CDH18: variants seen among roughly 807,000 people sequenced by gnomAD.
CDH18 encodes cadherin-18.
Under a neutral mutation model 67.9 loss-of-function variants are expected in CDH18, and 31 were observed. The observed-to-expected ratio is 0.46, with a 90% CI of 0.34 to 0.62. The LOEUF is 0.62. Among genes scored for constraint, CDH18 ranks in the 20% least tolerant of loss-of-function variants. CDH18 has a pLI of 0.01. For synonymous variants in CDH18, 362 were observed against 347.2 expected (o/e 1.04, Z -0.48); for missense variants, 890 against 975.5 (o/e 0.91, Z 1.17).
intron 1 of CDH18, among the ~76,000 whole-genome samples, chr5:20,536,305 C>G (rs904052569): frequency 3.3e-5 from 5 of 152,056 alleles, no homozygotes; most frequent in African/African-American, 9.7e-5. Context: ...AAATAATACT[C>G]TAGCAAAAAT....
chr5:20,472,951 T>C (rs1441089685), intron 1 of CDH18, among the ~76,000 whole-genome samples: 1 of 152,194 alleles, frequency 6.6e-6, no homozygotes, highest in Non-Finnish European at 1.5e-5. Flanking sequence ...ATGGCATTGG[T>C]TGAATAGTTG....
chr5:19,890,135 T>C (rs566377837), intron 2 of CDH18, among the ~76,000 whole-genome samples: 22 of 152,280 alleles, frequency 1.4e-4, no homozygotes, highest in African/African-American at 5.3e-4. Context: ...GGCAGATTCA[T>C]GCTCCTGGAG....
At chr5:20,317,804 C>T (rs575083830) in intron 1 of CDH18, among the ~76,000 whole-genome samples, 4 of 152,250 alleles carry the variant, frequency 2.6e-5, no homozygotes, top group African/African-American at 4.8e-5. Flanking sequence ...TACTCACAAA[C>T]GTAAACCTCC....
intron 1 of CDH18, among the ~76,000 whole-genome samples, chr5:19,983,108 T>C (rs1036505373): frequency 6.6e-6 from 1 of 151,492 alleles, no homozygotes; most frequent in Non-Finnish European, 1.5e-5. Context: ...AATATATATA[T>C]GTATAATTTG....
Position 19,686,020 on chromosome 5 carries a change from C to T in CDH18, c.643+35327G>A, listed in dbSNP as rs183936270. On this transcript the variant is annotated intron_variant, in intron 5 of 12. Transcript: ENST00000382275. The stretch of plus-strand genomic sequence containing the variant: ...TTTGGTGAGCATAAAGTATTGTATG[C>T]TATATCTAATAAATTCCTAGAAGTG... Among the ~76,000 whole-genome samples, 543 of 152,190 alleles carry T rather than the reference C, an allele frequency of 3.6e-3. 4 individuals carry two copies. The highest frequency in any genetic ancestry group is 5.5e-3 in the Non-Finnish European group (372 of 68,016).
intron 2 of CDH18, among the ~76,000 whole-genome samples, chr5:20,089,129 T>C (rs538558271): frequency 1.3e-5 from 2 of 152,314 alleles, no homozygotes; most frequent in South Asian, 4.1e-4. Flanking sequence ...TCCCAATCTC[T>C]TATACTTATT....
intron 1 of CDH18, among the ~76,000 whole-genome samples, chr5:20,329,112 A>T (rs1026897458): frequency 1.3e-5 from 2 of 152,222 alleles, no homozygotes; most frequent in Non-Finnish European, 2.9e-5. Context: ...CCCAAAACAA[A>T]GGAGCTAATA....
intron 6 of CDH18, among the ~76,000 whole-genome samples, chr5:19,594,900 C>A (rs1745922384): frequency 6.6e-6 from 1 of 151,944 alleles, no homozygotes; most frequent in Non-Finnish European, 1.5e-5. Flanking sequence ...CCCACTCTTA[C>A]CACTTCTTTT....
Position 20,264,641 on chromosome 5 carries a change from G to A in CDH18, c.-579-9136C>T, listed in dbSNP as rs560189310. Among the ~76,000 whole-genome samples, 21 of 151,824 alleles carry A rather than the reference G, an allele frequency of 1.4e-4. No homozygotes were observed. The South Asian group carries it at 2.9e-3, about 21-fold the overall frequency. On this transcript the variant is annotated intron_variant, in intron 1 of 14. Transcript: ENST00000507958. ...CCACCACAACAAAACCCCACAAAGC[G>A]GAAAAATCTTGTTAGGTATCTAAAG...
chr5:19,760,029 GATTA>G (rs978364449), intron 3 of CDH18, among the ~76,000 whole-genome samples: 4 of 152,140 alleles, frequency 2.6e-5, no homozygotes, highest in African/African-American at 9.7e-5. Flanking sequence ...GGGACACAGT[GATTA>G]ATTAGCCAAT....
chr5:19,594,155 T>G (rs1386392766), intron 6 of CDH18, among the ~76,000 whole-genome samples: 2 of 151,982 alleles, frequency 1.3e-5, no homozygotes, highest in Non-Finnish European at 2.9e-5. Flanking sequence ...TTTTGTTTGT[T>G]TGTTTTGTTT....
intron 2 of CDH18, among the ~76,000 whole-genome samples, chr5:19,962,900 G>A (rs545051006): frequency 6.6e-6 from 1 of 152,162 alleles, no homozygotes; most frequent in African/African-American, 2.4e-5. Flanking sequence ...AATTCACCAA[G>A]GCAGGAAAGA....
chr5:20,214,163 C>T (rs967411039), intron 2 of CDH18, among the ~76,000 whole-genome samples: 2 of 151,782 alleles, frequency 1.3e-5, no homozygotes, highest in African/African-American at 2.4e-5. Flanking sequence ...AGGGGAACTA[C>T]AAAACACTGC....
chr5:19,589,528 A>T (rs1369697189), intron 7 of CDH18, among the ~76,000 whole-genome samples: 1 of 152,068 alleles, frequency 6.6e-6, no homozygotes, highest in African/African-American at 2.4e-5. Context: ...AATTACTCTA[A>T]TATTTATTGA....
Position 19,514,895 on chromosome 5 carries a change from G to C in CDH18, c.1512+5762C>G, listed in dbSNP as rs181534855. Among the ~76,000 whole-genome samples, 13 of 152,220 alleles carry C rather than the reference G, an allele frequency of 8.5e-5. No individual in the cohort carries two copies. The East Asian group carries it at 2.5e-3, about 29-fold the overall frequency. On this transcript the variant is annotated intron_variant, in intron 10 of 12. Transcript: ENST00000382275. ...TTTGGCTTTTGTTGCCATTGCTTTTGGTGTTTTAGTCATGAAGTCCTTGCC... is the reference window on the plus strand; with the variant it reads ...TTTGGCTTTTGTTGCCATTGCTTTTCGTGTTTTAGTCATGAAGTCCTTGCC...
chr5:20,229,012 G>T (rs1482749844), intron 2 of CDH18, among the ~76,000 whole-genome samples: 1 of 152,020 alleles, frequency 6.6e-6, no homozygotes, highest in Non-Finnish European at 1.5e-5. Context: ...GGTGTAGACT[G>T]ATACATAGTC....
intron 2 of CDH18, among the ~76,000 whole-genome samples, chr5:20,111,350 T>G (rs1278818303): frequency 3.3e-5 from 5 of 152,126 alleles, no homozygotes; most frequent in Non-Finnish European, 5.9e-5. Context: ...GCTGTTGTTG[T>G]TTTGGATGAA....
In CDH18 at chr5:19,861,290, G is replaced by T. The variant is rs1480262980; in HGVS notation, c.-256-22048C>A. On this transcript the variant is annotated intron_variant, in intron 2 of 12. Coordinates refer to ENST00000382275, the MANE Select transcript of CDH18 (RefSeq NM_004934.5). ...TAGGTGCTGTAAGAGGTACAGATGG[G>T]TTTTTTTTTATATCTGGGGACAGAG... 6.0e-5 allele frequency among the ~76,000 whole-genome samples: 9 copies of T among 150,812 alleles called. 1 individual carries two copies. Among genetic ancestry groups the T allele is most frequent in the South Asian group, 2.1e-4 (1 of 4,766 alleles).
At chr5:20,361,506 TA>T (rs1305577709) in intron 1 of CDH18, among the ~76,000 whole-genome samples, 1 of 152,094 alleles carries the variant, frequency 6.6e-6, no homozygotes, top group Non-Finnish European at 1.5e-5. Flanking sequence ...ATTGGAATCA[TA>T]AAAACTATAA....
Sources: gnomAD v4.1 joint callset for allele counts (sites outside exome capture counted in the v4.1 genomes callset) on GRCh38, gnomAD v4.1.1 for gene constraint, MANE v1.5 for transcripts, NCBI Gene and HGNC (gene_info 2026-07-23, HGNC 2026-07-21) for gene names.